The following GABRG3 variants were observed in gnomAD, a reference collection of about 807,000 sequenced individuals.
The protein encoded by GABRG3 is gamma-aminobutyric acid type A receptor subunit gamma3.
GABRG3 carries 25 observed loss-of-function variants against 48.8 expected under a neutral mutation model. That is an observed-to-expected ratio of 0.51 (90% CI 0.37 to 0.72). The LOEUF (loss-of-function observed/expected upper bound fraction) is 0.72. Ranked by LOEUF, GABRG3 falls within the 30% of genes least tolerant of loss-of-function variation. The pLI is 0.00. For missense variants in GABRG3, 394 were observed against 577.9 expected (o/e 0.68, Z 3.26); for synonymous variants, 227 against 217.6 (o/e 1.04, Z -0.38).
At chr15:27,254,575 C>T (rs905123895) in intron 3 of GABRG3, among the ~76,000 whole-genome samples, 12 of 152,008 alleles carry the variant, frequency 7.9e-5, no homozygotes, top group African/African-American at 9.7e-5. Context: ...AGATTCAGTG[C>T]GTGATGAGGG....
At chr15:27,062,012 C>A (rs1461910231) in intron 3 of GABRG3, among the ~76,000 whole-genome samples, 1 of 152,216 alleles carries the variant, frequency 6.6e-6, no homozygotes, top group Non-Finnish European at 1.5e-5. Context: ...TGACCCTATA[C>A]TTTGCCTTCT....
chr15:27,516,226 G>C (rs986473575), intron 6 of GABRG3, among the ~76,000 whole-genome samples: 1 of 151,766 alleles, frequency 6.6e-6, no homozygotes. Context: ...TGAAGAAAAA[G>C]GTCTTTAAAT....
At chr15:27,137,329 T>C (rs1898027663) in intron 3 of GABRG3, among the ~76,000 whole-genome samples, 1 of 152,162 alleles carries the variant, frequency 6.6e-6, no homozygotes, top group Non-Finnish European at 1.5e-5. Flanking sequence ...TAGCACGTGG[T>C]GGGTGCCAAA....
intron 5 of GABRG3, among the ~76,000 whole-genome samples, chr15:27,346,050 T>C (rs1242088209): frequency 6.7e-3 from 13 of 1,948 alleles, no homozygotes; most frequent in Non-Finnish European, 9.2e-3. Flanking sequence ...TGAGACTCCC[T>C]CTCNAAAANN....
intron 3 of GABRG3, among the ~76,000 whole-genome samples, chr15:27,262,951 A>G (rs1450108788): frequency 1.3e-5 from 2 of 152,184 alleles, no homozygotes; most frequent in Non-Finnish European, 2.9e-5. Flanking sequence ...ACTGATTACT[A>G]TATTGATTTG....
At chr15:27,058,353 A>T (rs891987543) in intron 3 of GABRG3, among the ~76,000 whole-genome samples, 3 of 152,182 alleles carry the variant, frequency 2.0e-5, no homozygotes, top group Admixed American at 2.0e-4. Flanking sequence ...AGCCTTGCTG[A>T]GCAGTTTAGA....
chr15:27,265,634 C>T (rs1323364145), intron 3 of GABRG3, among the ~76,000 whole-genome samples: 1 of 152,148 alleles, frequency 6.6e-6, no homozygotes, highest in Non-Finnish European at 1.5e-5. Flanking sequence ...CTGGTCCCAA[C>T]TAGGAAACAT....
intron 5 of GABRG3, among the ~76,000 whole-genome samples, chr15:27,408,899 G>A (rs1461612007): frequency 6.6e-6 from 1 of 152,170 alleles, no homozygotes; most frequent in Non-Finnish European, 1.5e-5. Flanking sequence ...CAAGCTTGAA[G>A]ATATTTTAAG....
intron 1 of GABRG3, among the ~76,000 whole-genome samples, chr15:26,972,931 G>A (rs1011483368): frequency 6.6e-6 from 1 of 152,170 alleles, no homozygotes; most frequent in Admixed American, 6.5e-5. Context: ...TTCAGCTGAA[G>A]TTTCTTTCTG....
At chr15:27,062,234 G>A (rs561109828) in intron 3 of GABRG3, among the ~76,000 whole-genome samples, 12 of 152,034 alleles carry the variant, frequency 7.9e-5, no homozygotes, top group Admixed American at 5.9e-4. Flanking sequence ...AGAGGGAGCT[G>A]GCTCCGCTGT....
intron 2 of GABRG3, among the ~76,000 whole-genome samples, chr15:26,994,675 T>A (rs1403397231): frequency 6.6e-6 from 1 of 152,064 alleles, no homozygotes; most frequent in African/African-American, 2.4e-5. Flanking sequence ...GTGCTTGCTA[T>A]TATCAGTGAG....
chr15:27,320,672 T>C (rs1893392491), intron 3 of GABRG3, among the ~76,000 whole-genome samples: 1 of 152,152 alleles, frequency 6.6e-6, no homozygotes, highest in Non-Finnish European at 1.5e-5. Context: ...AAGGTCGTGA[T>C]CAAAGAGTTT....
chr15:27,267,187 A>G (rs182345363), intron 3 of GABRG3, among the ~76,000 whole-genome samples: 10 of 144,474 alleles, frequency 6.9e-5, no homozygotes, highest in South Asian at 4.4e-4. Flanking sequence ...GCCCGCTGCA[A>G]CCTCCTCCTC....
intron 6 of GABRG3, among the ~76,000 whole-genome samples, chr15:27,505,577 TGTTAA>T (rs1335707398): frequency 1.3e-5 from 2 of 152,216 alleles, no homozygotes; most frequent in African/African-American, 2.4e-5. Context: ...CTCTTTAGTG[TGTTAA>T]TATGTTGAGT....
chr15:27,369,113 T>G (rs537489588), intron 5 of GABRG3, among the ~76,000 whole-genome samples: 9 of 152,368 alleles, frequency 5.9e-5, no homozygotes, highest in African/African-American at 1.9e-4. Context: ...CTAAGCAACT[T>G]AATTACATGG....
At chr15:27,373,403 G>C (rs969001492) in intron 5 of GABRG3, among the ~76,000 whole-genome samples, 1 of 152,172 alleles carries the variant, frequency 6.6e-6, no homozygotes, top group African/African-American at 2.4e-5. Flanking sequence ...AAAGATTGCT[G>C]TATTAGATAC....
intron 3 of GABRG3, among the ~76,000 whole-genome samples, chr15:27,313,262 G>GTGTGTGTATATA (rs1430430961): frequency 8.7e-5 from 3 of 34,560 alleles, no homozygotes; most frequent in African/African-American, 1.8e-4. Flanking sequence ...GTGTGTGTGT[G>GTGTGTGTATATA]TATATATATA....
chr15:27,489,879 G>C (rs1250192756), intron 6 of GABRG3, among the ~76,000 whole-genome samples: 4 of 152,148 alleles, frequency 2.6e-5, no homozygotes, highest in Non-Finnish European at 5.9e-5. Context: ...AGTTTAATTA[G>C]ATCCCATTTG....
At chr15:27,184,094 A>C (rs1888017472) in intron 3 of GABRG3, among the ~76,000 whole-genome samples, 1 of 152,254 alleles carries the variant, frequency 6.6e-6, no homozygotes. Context: ...ACTCCAACTT[A>C]TATAACATCT....
Sources: allele counts gnomAD v4.1 joint callset (sites outside exome capture counted in the v4.1 genomes callset), GRCh38; gene constraint gnomAD v4.1.1; transcripts MANE v1.5; gene names NCBI Gene and HGNC (gene_info 2026-07-23, HGNC 2026-07-21).